The following LINGO2 variants were observed in gnomAD, a reference collection of about 807,000 sequenced individuals.
LINGO2 encodes the protein leucine-rich repeat and immunoglobulin-like domain-containing nogo receptor-interacting protein 2.
In LINGO2, 14 loss-of-function variants were observed where a neutral mutation model predicts 30.6. The observed-to-expected ratio is 0.46, with a 90% CI of 0.30 to 0.72. The LOEUF (loss-of-function observed/expected upper bound fraction) is 0.72, where lower values mean the gene tolerates loss of function less well. LINGO2 is among the 30% of genes least tolerant of loss of function. LINGO2 has a pLI of 0.07. For missense variants in LINGO2, 729 were observed against 751.7 expected, an observed-to-expected ratio of 0.97 and a Z score of 0.35; for synonymous variants, 317 against 288.5, an observed-to-expected ratio of 1.10 and a Z score of -1.00.
intron 4 of LINGO2, among the ~76,000 whole-genome samples, chr9:28,168,260 G>T (rs1340648756): frequency 2.6e-5 from 4 of 152,088 alleles, no homozygotes; most frequent in African/African-American, 9.7e-5. Flanking sequence ...ATTAAGCCAT[G>T]GTTTCTATTT....
At chr9:28,527,492 C>T (rs1311679506) in intron 1 of LINGO2, among the ~76,000 whole-genome samples, 4 of 152,146 alleles carry the variant, frequency 2.6e-5, no homozygotes, top group African/African-American at 9.7e-5. Flanking sequence ...GCCTCCCATT[C>T]CTGCTGTTTT....
At chr9:29,085,031 A>G in the LINGO2 span, among the ~76,000 whole-genome samples, 4 of 151,872 alleles carry the variant, frequency 2.6e-5, no homozygotes, top group Non-Finnish European at 5.9e-5. Context: ...CACTCACCTA[A>G]TTATTTTCAA....
At chr9:28,638,748 T>C (rs1255809723) in intron 1 of LINGO2, among the ~76,000 whole-genome samples, 1 of 152,150 alleles carries the variant, frequency 6.6e-6, no homozygotes, top group Non-Finnish European at 1.5e-5. Flanking sequence ...CTATCAATTT[T>C]GTTGCTCTTT....
At chr9:28,922,479 C>T in the LINGO2 span, among the ~76,000 whole-genome samples, 34 of 152,134 alleles carry the variant, frequency 2.2e-4, no homozygotes, top group African/African-American at 7.5e-4. Context: ...AATGGATATC[C>T]ACTGTAAGTA....
intron 4 of LINGO2, among the ~76,000 whole-genome samples, chr9:28,100,626 T>C (rs1357931256): frequency 6.6e-6 from 1 of 152,160 alleles, no homozygotes; most frequent in Admixed American, 6.6e-5. Flanking sequence ...TCCAGGCTTG[T>C]TTGTGGCCAT....
At chr9:29,088,607 T>C in the LINGO2 span, among the ~76,000 whole-genome samples, 1 of 152,194 alleles carries the variant, frequency 6.6e-6, no homozygotes, top group Non-Finnish European at 1.5e-5. Flanking sequence ...GTTAGTTTGC[T>C]AGGTAAAATA....
At chr9:28,443,910 T>A (rs4879246) in intron 2 of LINGO2, among the ~76,000 whole-genome samples, 136,977 of 152,104 alleles carry the variant, frequency 0.9, 61,769 homozygotes, top group East Asian at 1. Flanking sequence ...CAGTTCCAGG[T>A]GGAGTCCATG....
chr9:29,166,976 G>A, the LINGO2 span, among the ~76,000 whole-genome samples: 5 of 152,008 alleles, frequency 3.3e-5, no homozygotes, highest in Admixed American at 3.3e-4. Context: ...TTTTTAATAA[G>A]AGGTTTTAGA....
chr9:28,508,702 G>T (rs1820250599), intron 1 of LINGO2, among the ~76,000 whole-genome samples: 1 of 151,710 alleles, frequency 6.6e-6, no homozygotes, highest in Non-Finnish European at 1.5e-5. Context: ...CTTGGAGGGA[G>T]AAAAAAAATT....
At chr9:28,214,831 A>T (rs959110557) in intron 4 of LINGO2, among the ~76,000 whole-genome samples, 3 of 151,716 alleles carry the variant, frequency 2.0e-5, no homozygotes, top group African/African-American at 7.2e-5. Flanking sequence ...TACTAATCAC[A>T]GAATGGAAAC....
chr9:28,495,728 C>T (rs1339880683), intron 1 of LINGO2, among the ~76,000 whole-genome samples: 1 of 152,138 alleles, frequency 6.6e-6, no homozygotes, highest in African/African-American at 2.4e-5. Context: ...TCTTGCTTCT[C>T]TAGTTCTTTT....
chr9:28,193,184 G>A (rs1007765736), intron 4 of LINGO2, among the ~76,000 whole-genome samples: 4 of 152,056 alleles, frequency 2.6e-5, no homozygotes, highest in Admixed American at 2.6e-4. Context: ...ATTATAAATA[G>A]GAGTTCAACC....
the LINGO2 span, among the ~76,000 whole-genome samples, chr9:28,973,644 A>G: frequency 1.3e-5 from 2 of 152,156 alleles, no homozygotes; most frequent in Non-Finnish European, 2.9e-5. Flanking sequence ...GCCATGTGGA[A>G]CTGTGAGTCA....
At chr9:28,189,298 A>AG (rs1819672209) in intron 4 of LINGO2, among the ~76,000 whole-genome samples, 1 of 52,346 alleles carries the variant, frequency 1.9e-5, no homozygotes, top group East Asian at 6.5e-4. Context: ...GGAGGAAGGA[A>AG]GGAAGGGAGG....
the LINGO2 span, among the ~76,000 whole-genome samples, chr9:28,888,274 T>G: frequency 2.3e-4 from 35 of 152,212 alleles, no homozygotes; most frequent in African/African-American, 7.7e-4. Flanking sequence ...ATCAACCTTA[T>G]GTGGTTTCAT....
chr9:28,679,397 T>A, the LINGO2 span, among the ~76,000 whole-genome samples: 1 of 152,146 alleles, frequency 6.6e-6, no homozygotes, highest in Non-Finnish European at 1.5e-5. Context: ...GTAGATGTCA[T>A]CTTATGATGC....
chr9:28,941,403 A>G, the LINGO2 span, among the ~76,000 whole-genome samples: 1 of 152,176 alleles, frequency 6.6e-6, no homozygotes, highest in Non-Finnish European at 1.5e-5. Flanking sequence ...AGCTTGGGGC[A>G]GCATATAATG....
At chr9:29,013,424 A>C in the LINGO2 span, among the ~76,000 whole-genome samples, 1 of 151,408 alleles carries the variant, frequency 6.6e-6, no homozygotes, top group African/African-American at 2.4e-5. Context: ...ATAGCTCTTT[A>C]GTTGCTATAG....
chr9:28,820,304 C>T, the LINGO2 span, among the ~76,000 whole-genome samples: 1 of 150,438 alleles, frequency 6.6e-6, no homozygotes, highest in Non-Finnish European at 1.5e-5. Flanking sequence ...GTGTCACCCA[C>T]TGAGCAAGCT....
Sources: gnomAD v4.1 joint callset for allele counts (sites outside exome capture counted in the v4.1 genomes callset) on GRCh38, gnomAD v4.1.1 for gene constraint, MANE v1.5 for transcripts, NCBI Gene and HGNC (gene_info 2026-07-23, HGNC 2026-07-21) for gene names.